RPS6KA2: variants seen among roughly 807,000 people sequenced by gnomAD.
The protein encoded by RPS6KA2 is ribosomal protein S6 kinase A2, also known as ribosomal protein S6 kinase alpha-2.
Under a neutral mutation model 91.8 loss-of-function variants are expected in RPS6KA2, and 42 were observed. That is an observed-to-expected ratio of 0.46 (90% CI 0.36 to 0.59). The LOEUF (loss-of-function observed/expected upper bound fraction) is 0.59. Among genes scored for constraint, RPS6KA2 ranks in the 20% least tolerant of loss-of-function variants. The probability of loss-of-function intolerance (pLI) is 0.00; values close to 1 mark genes in which losing one functional copy is unlikely to be tolerated. For missense variants in RPS6KA2, 798 were observed against 978.5 expected, an observed-to-expected ratio of 0.82 and a Z score of 2.46; for synonymous variants, 414 against 393.6, an observed-to-expected ratio of 1.05 and a Z score of -0.61.
chr6:166,582,602 A>G (rs1197090406), intron 1 of RPS6KA2, among the ~76,000 whole-genome samples: 1 of 152,258 alleles, frequency 6.6e-6, no homozygotes, highest in Admixed American at 6.5e-5. Flanking sequence ...AATTCATAAC[A>G]TAGATGCATA....
chr6:166,765,564 T>G (rs1224089976), intron 2 of RPS6KA2, among the ~76,000 whole-genome samples: 1 of 152,182 alleles, frequency 6.6e-6, no homozygotes, highest in Non-Finnish European at 1.5e-5. Context: ...TTTTCGTAGA[T>G]TATAAAGGAT....
chr6:166,454,025 G>A (rs868298838), intron 12 of RPS6KA2, among the ~76,000 whole-genome samples: 2 of 152,176 alleles, frequency 1.3e-5, no homozygotes, highest in African/African-American at 4.8e-5. Context: ...TGTGGATGTC[G>A]AGTGTGGTGG....
chr6:166,678,061 G>A (rs1258109685), intron 2 of RPS6KA2, among the ~76,000 whole-genome samples: 4 of 152,158 alleles, frequency 2.6e-5, no homozygotes, highest in African/African-American at 9.7e-5. Flanking sequence ...CTGTGATCCT[G>A]GGAAAATATA....
chr6:166,800,026 C>T (rs901610995), intron 2 of RPS6KA2, among the ~76,000 whole-genome samples: 5 of 144,766 alleles, frequency 3.5e-5, no homozygotes, highest in Non-Finnish European at 6.1e-5. Context: ...TTCGTGGAGA[C>T]CGTGGGTTCC....
intron 15 of RPS6KA2, 120 bp downstream of exon 15, chr6:166,432,281 G>A (rs2128446201): frequency 2.9e-6 from 2 of 684,578 alleles, no homozygotes; most frequent in South Asian, 1.8e-5. Context: ...ATATGTGGGT[G>A]GTGGAAACCA....
At chr6:166,566,983 A>T (rs1326393846) in intron 1 of RPS6KA2, among the ~76,000 whole-genome samples, 1 of 152,214 alleles carries the variant, frequency 6.6e-6, no homozygotes, top group Non-Finnish European at 1.5e-5. Context: ...GCAGGTGCAA[A>T]TGTGAACTAA....
intron 15 of RPS6KA2, 77 bp from the exon 16 acceptor site, chr6:166,430,688 A>G (rs1779097641): frequency 2.7e-6 from 4 of 1,471,806 alleles, no homozygotes; most frequent in Non-Finnish European, 3.7e-6. Context: ...AGGGGACAGG[A>G]GAGGGAAGTC....
At chr6:166,646,391 G>C (rs1403284418) in intron 2 of RPS6KA2, among the ~76,000 whole-genome samples, 1 of 152,206 alleles carries the variant, frequency 6.6e-6, no homozygotes, top group African/African-American at 2.4e-5. Context: ...GAAAGAGAAA[G>C]AACACAACCA....
rs1162208405 is a variant in RPS6KA2, at chr6:166,696,026, A to C, written c.124-157242T>G. Among the ~76,000 whole-genome samples, 3 of 152,314 alleles carry C rather than the reference A, an allele frequency of 2.0e-5. No individual in the cohort carries two copies. In the East Asian group the frequency reaches 5.8e-4, roughly 29 times the overall value. On this transcript the variant is annotated intron_variant, in intron 2 of 21. Transcript: ENST00000503859. Reference sequence around the variant, plus strand: ...TCTGAGGTGGAACAGCTTCATCCCCAAACATTTTCCCTCCCTGCACTCCCC... The same window carrying C: ...TCTGAGGTGGAACAGCTTCATCCCCCAACATTTTCCCTCCCTGCACTCCCC...
intron 2 of RPS6KA2, among the ~76,000 whole-genome samples, chr6:166,839,686 A>AGG (rs1554262082): frequency 0.017 from 899 of 54,378 alleles, 198 homozygotes; most frequent in African/African-American, 0.046. Flanking sequence ...AGAGCAGGAG[A>AGG]GGAGAGGGGA....
chr6:166,853,594 C>T (rs963975169), intron 2 of RPS6KA2, among the ~76,000 whole-genome samples: 4 of 149,580 alleles, frequency 2.7e-5, no homozygotes, highest in African/African-American at 7.3e-5. Flanking sequence ...GCGCAGCCGC[C>T]GCCACGTCCT....
intron 1 of RPS6KA2, among the ~76,000 whole-genome samples, chr6:166,617,655 C>A (rs966598771): frequency 6.6e-6 from 1 of 152,238 alleles, no homozygotes; most frequent in Non-Finnish European, 1.5e-5. Context: ...ACACCCAAGT[C>A]CTACTGATAA....
At chr6:166,417,607 ATCTC>A (rs879832125) in intron 19 of RPS6KA2, among the ~76,000 whole-genome samples, 145 of 130,358 alleles carry the variant, frequency 1.1e-3, no homozygotes, top group African/African-American at 3.8e-3. Flanking sequence ...TTACAAATAA[ATCTC>A]TCTCTCTATA....
chr6:166,451,001 A>G, intron 13 of RPS6KA2, 102 bp downstream of exon 13: 1 of 1,416,752 alleles, frequency 7.1e-7, no homozygotes, highest in Non-Finnish European at 9.8e-7. Flanking sequence ...CACCCATCCT[A>G]AGCACCCAAC....
chr6:166,623,210 C>T (rs1230200179), intron 1 of RPS6KA2, among the ~76,000 whole-genome samples: 1 of 152,246 alleles, frequency 6.6e-6, no homozygotes, highest in African/African-American at 2.4e-5. Flanking sequence ...AATGAAATGA[C>T]TTTGCATATT....
At chr6:166,521,524 C>T (rs978530869) in intron 3 of RPS6KA2, among the ~76,000 whole-genome samples, 6 of 152,212 alleles carry the variant, frequency 3.9e-5, no homozygotes, top group South Asian at 4.1e-4. Context: ...TTTCTCCTTT[C>T]GGAAAGAAAA....
intron 2 of RPS6KA2, among the ~76,000 whole-genome samples, chr6:166,764,606 G>C (rs1778259367): frequency 6.6e-6 from 1 of 152,110 alleles, no homozygotes; most frequent in Non-Finnish European, 1.5e-5. Context: ...GTTGGGAAGG[G>C]GTCAGGGTCC....
chr6:166,522,651 A>G (rs547634109), intron 3 of RPS6KA2, among the ~76,000 whole-genome samples: 288 of 152,312 alleles, frequency 1.9e-3, no homozygotes, highest in Admixed American at 5.7e-3. Flanking sequence ...CATAAAGGCT[A>G]TTGAGCCTGA....
intron 2 of RPS6KA2, chr6:166,701,612 TC>T (rs1789523563): frequency 1.5e-6 from 2 of 1,324,812 alleles, no homozygotes; most frequent in East Asian, 4.6e-5. Flanking sequence ...AGATGAACAG[TC>T]TCGGATTCTG....
Sources: gnomAD v4.1 joint callset for allele counts (sites outside exome capture counted in the v4.1 genomes callset) on GRCh38, gnomAD v4.1.1 for gene constraint, MANE v1.5 for transcripts, NCBI Gene and HGNC (gene_info 2026-07-23, HGNC 2026-07-21) for gene names.